Variants in PRKCB observed in about 807,000 individuals in gnomAD.
The protein encoded by PRKCB is protein kinase C beta type.
PRKCB carries 13 observed loss-of-function variants against 81.5 expected under a neutral mutation model. The ratio of observed to expected loss-of-function variants is 0.16; its 90% confidence interval spans 0.10 to 0.25. The LOEUF is 0.25. PRKCB is among the 10% of genes least tolerant of loss of function. PRKCB has a pLI of 1.00. For missense variants in PRKCB, 509 were observed against 875.7 expected (o/e 0.58, Z 5.29); for synonymous variants, 335 against 321.4 (o/e 1.04, Z -0.45).
chr16:23,867,482 A>G (rs1388256797), intron 2 of PRKCB, among the ~76,000 whole-genome samples: 2 of 152,216 alleles, frequency 1.3e-5, no homozygotes, highest in African/African-American at 4.8e-5. Context: ...ATTGTATTTC[A>G]TCTTCTATGA....
At chr16:23,870,766 T>C (rs548245591) in intron 2 of PRKCB, among the ~76,000 whole-genome samples, 1 of 152,322 alleles carries the variant, frequency 6.6e-6, no homozygotes, top group African/African-American at 2.4e-5. Context: ...GCATCCACCC[T>C]GGTGTATGAA....
At chr16:23,865,625 G>A (rs1282011415) in intron 2 of PRKCB, among the ~76,000 whole-genome samples, 1 of 147,274 alleles carries the variant, frequency 6.8e-6, no homozygotes, top group Non-Finnish European at 1.5e-5. Flanking sequence ...GTAGAAATGG[G>A]GTTTTGCCAT....
intron 2 of PRKCB, among the ~76,000 whole-genome samples, chr16:23,962,697 A>ACAATTGAG (rs1026446664): frequency 2.0e-5 from 3 of 151,874 alleles, no homozygotes; most frequent in Admixed American, 6.6e-5. Context: ...GTCCAGCCTG[A>ACAATTGAG]CAATTGAGTC....
chr16:23,856,690 A>T (rs1366246756), intron 2 of PRKCB, among the ~76,000 whole-genome samples: 1 of 152,018 alleles, frequency 6.6e-6, no homozygotes, highest in Non-Finnish European at 1.5e-5. Context: ...TGCCTGGCTA[A>T]TTTCTAAAAC....
chr16:24,109,323 G>A (rs1270651190), intron 7 of PRKCB, among the ~76,000 whole-genome samples: 7 of 89,720 alleles, frequency 7.8e-5, no homozygotes, highest in African/African-American at 2.2e-4. Context: ...GGTGGCTGCC[G>A]GGCGGAGACG....
In PRKCB at chr16:24,218,872, C is replaced by T. The variant is rs1014549399; in HGVS notation, c.*4056C>T. On this transcript the variant is annotated 3_prime_UTR_variant, in exon 17 of 17. Transcript: ENST00000643927. ...CAGCCATGGGGTTGTCCCTCCAGTC[C>T]GAGAGACTGTGATGAGGCCTACATA... is the stretch of plus-strand genomic sequence containing the variant. 16 of 985,294 alleles carry T rather than the reference C, an allele frequency of 1.6e-5. No individual in the cohort carries two copies. Among genetic ancestry groups the T allele is most frequent in the South Asian group, 4.7e-5 (1 of 21,288 alleles). The allele number at this position is 985,294 out of a possible 1,614,324, so 61.0% of individuals were successfully genotyped here. A position where few individuals can be genotyped will look rare whatever the true frequency, so the allele number is the denominator to read the frequency against.
At chr16:23,904,778 G>C (rs1210804690) in intron 2 of PRKCB, among the ~76,000 whole-genome samples, 3 of 151,996 alleles carry the variant, frequency 2.0e-5, no homozygotes, top group Non-Finnish European at 4.4e-5. Context: ...AAAATATTTG[G>C]GATTTAAAAG....
chr16:24,092,488 A>T (rs1966388009), intron 5 of PRKCB, among the ~76,000 whole-genome samples: 1 of 152,258 alleles, frequency 6.6e-6, no homozygotes, highest in South Asian at 2.1e-4. Context: ...ATGCTAAATG[A>T]AAGAAGCCAG....
chr16:23,899,877 G>A lies in PRKCB; in HGVS notation c.205+62471G>A, dbSNP rs552828992. On this transcript the variant is annotated intron_variant, in intron 2 of 16. Transcript: ENST00000643927. ...TATTTATTTATTTATTGTAGAGATA[G>A]GGCCTTGCTATGTTGCTCAGGCTGG... Among the ~76,000 whole-genome samples the A allele has an allele frequency of 8.2e-4, 124 of 151,398 alleles. 30 individuals are homozygous for A. In the South Asian group the frequency reaches 0.025, roughly 30 times the overall value.
At chr16:23,906,055 C>T (rs1016704492) in intron 2 of PRKCB, among the ~76,000 whole-genome samples, 1 of 152,090 alleles carries the variant, frequency 6.6e-6, no homozygotes, top group African/African-American at 2.4e-5. Flanking sequence ...GGTTTGACGA[C>T]GTGCAAGGAT....
intron 9 of PRKCB, among the ~76,000 whole-genome samples, chr16:24,130,007 G>T (rs35681917): frequency 0.041 from 6,180 of 152,218 alleles, 194 homozygotes; most frequent in Middle Eastern, 0.054. Context: ...GTATCCATCT[G>T]TCTATCCGTC....
chr16:24,177,685 A>G (rs1967555993), intron 12 of PRKCB, among the ~76,000 whole-genome samples: 1 of 152,192 alleles, frequency 6.6e-6, no homozygotes, highest in African/African-American at 2.4e-5. Context: ...GGGTCTTAAT[A>G]GCAATAGGCA....
Position 23,865,045 on chromosome 16 carries a change from T to C in PRKCB, c.205+27639T>C, listed in dbSNP as rs117930376. Among the ~76,000 whole-genome samples, 1,497 of 152,230 alleles carry C rather than the reference T, an allele frequency of 9.8e-3. 11 individuals carry two copies. The highest frequency in any genetic ancestry group is 0.015 in the Non-Finnish European group (1,019 of 68,016). Reference sequence around the variant, plus strand: ...ATAATGGCCTCCAGCTGCATCCATGTTGCTGCAAAGGACACAATCCAAATA... The same window carrying C: ...ATAATGGCCTCCAGCTGCATCCATGCTGCTGCAAAGGACACAATCCAAATA... On this transcript the variant is annotated intron_variant, in intron 2 of 16. Transcript: ENST00000643927.
rs754076764 is a variant in PRKCB at position 23,988,557 on chromosome 16, C to A, written c.255C>A (p.Ser85=). The part of the protein sequence containing the change: ...HKRCHEFVTF[S]CPGADKGPAS... ...GGTGCCATGAATTTGTCACATTCTC[C>A]TGCCCTGGCGCTGACAAGGGTCCAG... The change falls in exon 3 of 17, where the codon TCC becomes TCA. Residue 85 remains serine, a synonymous_variant. Transcript: ENST00000643927. The A allele has an allele frequency of 2.5e-6, 4 of 1,614,120 alleles. No individual in the cohort carries two copies. The East Asian group carries it at 8.9e-5, about 36-fold the overall frequency.
intron 9 of PRKCB, among the ~76,000 whole-genome samples, chr16:24,124,695 T>G (rs1383958932): frequency 6.6e-6 from 1 of 152,186 alleles, no homozygotes; most frequent in Non-Finnish European, 1.5e-5. Flanking sequence ...TTTTGGGGTT[T>G]TTAGTCTCTT....
chr16:23,861,173 C>CT (rs773799217), intron 2 of PRKCB, among the ~76,000 whole-genome samples: 12,596 of 144,100 alleles, frequency 0.087, 666 homozygotes, highest in South Asian at 0.21. Flanking sequence ...TGCATTAGTT[C>CT]TTTTTTTTTT....
At chr16:24,154,394 G>C (rs1316734986) in intron 9 of PRKCB, among the ~76,000 whole-genome samples, 2 of 152,262 alleles carry the variant, frequency 1.3e-5, no homozygotes, top group Middle Eastern at 3.4e-3. Context: ...TGAGGCAGGA[G>C]GATCACTGAG....
At chr16:24,132,517 G>A (rs894163745) in intron 9 of PRKCB, among the ~76,000 whole-genome samples, 1 of 152,158 alleles carries the variant, frequency 6.6e-6, no homozygotes, top group Non-Finnish European at 1.5e-5. Flanking sequence ...TTATATTCTA[G>A]TGGTAGTGAT....
chr16:24,171,433 C>A (rs904391028), intron 10 of PRKCB, among the ~76,000 whole-genome samples: 1 of 152,104 alleles, frequency 6.6e-6, no homozygotes, highest in African/African-American at 2.4e-5. Flanking sequence ...ACGCGCTACT[C>A]CTGGAAGTCA....
Sources: allele counts gnomAD v4.1 joint callset (sites outside exome capture counted in the v4.1 genomes callset), GRCh38; gene constraint gnomAD v4.1.1; transcripts MANE v1.5; gene names NCBI Gene and HGNC (gene_info 2026-07-23, HGNC 2026-07-21).